Variants in DOK5 observed in about 807,000 individuals in gnomAD.
DOK5 encodes the protein downstream of tyrosine kinase 5.
A neutral mutation model predicts 43.3 loss-of-function variants in DOK5; 27 were observed. That is an observed-to-expected ratio of 0.62 (90% confidence interval 0.46 to 0.86). DOK5 has a LOEUF of 0.86. Ranked by LOEUF, DOK5 falls within the 40% of genes least tolerant of loss-of-function variation. The pLI is 0.00. For missense variants in DOK5, 373 were observed against 392.9 expected (o/e 0.95, Z 0.43); for synonymous variants, 146 against 140.1 (o/e 1.04, Z -0.30).
At chr20:54,596,575 C>G (rs1178747329) in intron 5 of DOK5, among the ~76,000 whole-genome samples, 1 of 152,198 alleles carries the variant, frequency 6.6e-6, no homozygotes, top group East Asian at 1.9e-4. Flanking sequence ...CACATACTGG[C>G]TGTGGGAACG....
intron 1 of DOK5, among the ~76,000 whole-genome samples, chr20:54,501,022 T>A (rs1369432251): frequency 6.6e-6 from 1 of 152,230 alleles, no homozygotes; most frequent in Non-Finnish European, 1.5e-5. Flanking sequence ...CACTCAGGCT[T>A]GTAACTTTGA....
chr20:54,591,468 T>A (rs1359482526), intron 4 of DOK5, 148 bp from the exon 5 acceptor site: 1 of 564,620 alleles, frequency 1.8e-6, no homozygotes, highest in Non-Finnish European at 3.0e-6. Flanking sequence ...CTGGGACTGT[T>A]AATTAATAGG....
intron 2 of DOK5, among the ~76,000 whole-genome samples, chr20:54,572,987 A>G (rs1985339758): frequency 6.6e-6 from 1 of 152,178 alleles, no homozygotes; most frequent in African/African-American, 2.4e-5. Flanking sequence ...GGCAATGTGG[A>G]TTTGGTGGCA....
intron 2 of DOK5, among the ~76,000 whole-genome samples, chr20:54,557,746 G>T (rs538321832): frequency 6.6e-6 from 1 of 152,086 alleles, no homozygotes; most frequent in African/African-American, 2.4e-5. Flanking sequence ...TGTTCAGTGC[G>T]TTGCTCAAAT....
At chr20:54,487,840 G>A (rs771632235) in intron 1 of DOK5, among the ~76,000 whole-genome samples, 2 of 151,842 alleles carry the variant, frequency 1.3e-5, no homozygotes, top group African/African-American at 2.4e-5. Context: ...CCCTTCATTC[G>A]GATGTACAAT....
intron 6 of DOK5, among the ~76,000 whole-genome samples, chr20:54,616,782 T>TC (rs1986824868): frequency 3.4e-5 from 4 of 116,704 alleles, no homozygotes; most frequent in African/African-American, 2.1e-4. Flanking sequence ...TTTTTTTTTT[T>TC]TCTTTTTTTT....
intron 1 of DOK5, among the ~76,000 whole-genome samples, chr20:54,507,905 A>G (rs1313219533): frequency 6.6e-6 from 1 of 152,234 alleles, no homozygotes; most frequent in Non-Finnish European, 1.5e-5. Flanking sequence ...GAGTGGATGC[A>G]TTCTAAGTGT....
At chr20:54,617,791 T>G (rs1474787031) in intron 6 of DOK5, among the ~76,000 whole-genome samples, 1 of 152,240 alleles carries the variant, frequency 6.6e-6, no homozygotes, top group African/African-American at 2.4e-5. Context: ...ATTTTTCACT[T>G]TTAAATATTT....
chr20:54,608,757 A>G (rs1986550674), intron 5 of DOK5, among the ~76,000 whole-genome samples: 1 of 147,642 alleles, frequency 6.8e-6, no homozygotes. Flanking sequence ...TGCAACCTCC[A>G]CCTCCCAGGT....
intron 1 of DOK5, among the ~76,000 whole-genome samples, chr20:54,483,703 G>T (rs1052468110): frequency 6.6e-6 from 1 of 152,098 alleles, no homozygotes; most frequent in Non-Finnish European, 1.5e-5. Context: ...CGACCCCCCC[G>T]TTCCTGTGAA....
chr20:54,576,654 G>A (rs185163323), intron 2 of DOK5, among the ~76,000 whole-genome samples: 11 of 152,296 alleles, frequency 7.2e-5, no homozygotes, highest in African/African-American at 2.4e-4. Flanking sequence ...TTTGCCACAG[G>A]ACCTGGCATG....
At chr20:54,537,384 A>T (rs1490467028) in intron 1 of DOK5, among the ~76,000 whole-genome samples, 1 of 152,228 alleles carries the variant, frequency 6.6e-6, no homozygotes, top group Non-Finnish European at 1.5e-5. Flanking sequence ...GCCAACACAG[A>T]GGTGATAGAA....
intron 2 of DOK5, among the ~76,000 whole-genome samples, chr20:54,559,877 T>G (rs1984842695): frequency 6.6e-6 from 1 of 152,224 alleles, no homozygotes; most frequent in Non-Finnish European, 1.5e-5. Flanking sequence ...TGAACGTGAA[T>G]GTATTTGAAA....
intron 2 of DOK5, among the ~76,000 whole-genome samples, chr20:54,576,542 A>G (rs1318375001): frequency 6.6e-6 from 1 of 152,194 alleles, no homozygotes; most frequent in Non-Finnish European, 1.5e-5. Flanking sequence ...ATTGACTGAA[A>G]TTCTTTTTAT....
At chr20:54,630,833 C>G (rs941104757) in intron 6 of DOK5, among the ~76,000 whole-genome samples, 6 of 152,046 alleles carry the variant, frequency 3.9e-5, no homozygotes, top group Middle Eastern at 3.2e-3. Flanking sequence ...AGTCTAAAAT[C>G]TATTGTAATA....
chr20:54,506,117 A>G (rs1378345664), intron 1 of DOK5, among the ~76,000 whole-genome samples: 2 of 152,186 alleles, frequency 1.3e-5, no homozygotes, highest in South Asian at 2.1e-4. Context: ...AGCTCTGCCT[A>G]TATTATAAAA....
At chr20:54,498,694 G>C (rs1364009578) in intron 1 of DOK5, among the ~76,000 whole-genome samples, 4 of 152,204 alleles carry the variant, frequency 2.6e-5, no homozygotes, top group African/African-American at 9.6e-5. Flanking sequence ...CTGGTGAACT[G>C]TATAAAGAGT....
At chr20:54,592,360 G>T (rs571287145) in intron 5 of DOK5, among the ~76,000 whole-genome samples, 2 of 151,970 alleles carry the variant, frequency 1.3e-5, no homozygotes, top group South Asian at 4.1e-4. Context: ...CACTTTCCGG[G>T]TTTTCTCTTT....
At chr20:54,542,099 T>TACACACAGACACACACACAC (rs763674242) in intron 1 of DOK5, among the ~76,000 whole-genome samples, 3 of 121,982 alleles carry the variant, frequency 2.5e-5, no homozygotes, top group African/African-American at 1.1e-4. Context: ...TATTATAAGA[T>TACACACAGACACACACACAC]ACACACACAC....
Sources: gnomAD v4.1 joint callset for allele counts (sites outside exome capture counted in the v4.1 genomes callset) on GRCh38, gnomAD v4.1.1 for gene constraint, MANE v1.5 for transcripts, NCBI Gene and HGNC (gene_info 2026-07-23, HGNC 2026-07-21) for gene names.